The following ASIC2 variants were observed in gnomAD, a reference collection of about 807,000 sequenced individuals.
ASIC2 encodes the protein acid-sensing ion channel 2.
Under a neutral mutation model 57.3 loss-of-function variants are expected in ASIC2, and 25 were observed. That is an observed-to-expected ratio of 0.44 (90% CI 0.32 to 0.61). ASIC2 has a LOEUF of 0.61. ASIC2 is among the 20% of genes least tolerant of loss of function. The probability of loss-of-function intolerance (pLI) is 0.06; values close to 1 mark genes in which losing one functional copy is unlikely to be tolerated. For missense variants in ASIC2, 641 were observed against 738.1 expected (o/e 0.87, Z 1.52); for synonymous variants, 319 against 307.5 (o/e 1.04, Z -0.39).
intron 1 of ASIC2, among the ~76,000 whole-genome samples, chr17:33,919,148 A>G (rs1362069571): frequency 6.6e-6 from 1 of 152,016 alleles, no homozygotes; most frequent in Non-Finnish European, 1.5e-5. Context: ...GCCATTTCAG[A>G]CCTTCTGCCA....
At chr17:34,099,354 A>AGAAG (rs997195432) in intron 1 of ASIC2, among the ~76,000 whole-genome samples, 1 of 147,570 alleles carries the variant, frequency 6.8e-6, no homozygotes, top group Admixed American at 6.7e-5. Context: ...GAGGGAGGAA[A>AGAAG]GAAGGAAGGA....
chr17:33,557,485 G>C (rs1915942361), intron 1 of ASIC2, among the ~76,000 whole-genome samples: 1 of 152,292 alleles, frequency 6.6e-6, no homozygotes, highest in African/African-American at 2.4e-5. Flanking sequence ...GTAAGTAGAT[G>C]TTATAAAAGA....
At chr17:33,550,423 C>T (rs901281451) in intron 1 of ASIC2, among the ~76,000 whole-genome samples, 17 of 152,240 alleles carry the variant, frequency 1.1e-4, no homozygotes, top group South Asian at 6.2e-4. Context: ...GTTAACAGGG[C>T]GGGACAAATC....
chr17:33,324,299 T>G (rs746350238), intron 1 of ASIC2, among the ~76,000 whole-genome samples: 14 of 152,204 alleles, frequency 9.2e-5, no homozygotes, highest in Non-Finnish European at 1.6e-4. Flanking sequence ...GCAAGGGTTT[T>G]TTTTTCACAT....
intron 2 of ASIC2, among the ~76,000 whole-genome samples, chr17:33,094,946 G>A (rs912121290): frequency 2.0e-5 from 3 of 152,232 alleles, no homozygotes; most frequent in African/African-American, 7.2e-5. Context: ...GATCAGGCAA[G>A]TTGAAGTCTA....
chr17:33,529,663 G>A (rs1278375937), intron 1 of ASIC2: 5 of 152,214 alleles, frequency 3.3e-5, no homozygotes, highest in Non-Finnish European at 7.3e-5. Context: ...ATATGTATAT[G>A]CCACAGTTAT....
chr17:33,601,560 G>A (rs1377211233), intron 1 of ASIC2, among the ~76,000 whole-genome samples: 2 of 152,198 alleles, frequency 1.3e-5, no homozygotes, highest in South Asian at 2.1e-4. Context: ...AGGTATCGTG[G>A]CCTCTACTTA....
chr17:33,579,737 C>CAAACACT (rs1489768040), intron 1 of ASIC2, among the ~76,000 whole-genome samples: 1 of 152,154 alleles, frequency 6.6e-6, no homozygotes, highest in Non-Finnish European at 1.5e-5. Context: ...AGTGCGGACC[C>CAAACACT]AAACACTAAA....
intron 1 of ASIC2, among the ~76,000 whole-genome samples, chr17:34,018,939 G>C (rs184546966): frequency 6.6e-6 from 1 of 151,438 alleles, no homozygotes; most frequent in Admixed American, 6.6e-5. Flanking sequence ...ACGGAGTCTC[G>C]CTCTGTCACC....
intron 1 of ASIC2, among the ~76,000 whole-genome samples, chr17:33,243,098 T>G (rs540818827): frequency 6.6e-6 from 1 of 152,218 alleles, no homozygotes; most frequent in Non-Finnish European, 1.5e-5. Context: ...AGAGATACCA[T>G]GCAGGGCTCT....
At chr17:33,450,179 C>T (rs574749363) in intron 1 of ASIC2, among the ~76,000 whole-genome samples, 1 of 152,266 alleles carries the variant, frequency 6.6e-6, no homozygotes, top group South Asian at 2.1e-4. Flanking sequence ...TAACTATGTA[C>T]CTGTTTTGAA....
chr17:33,746,564 C>T (rs1910276333), intron 1 of ASIC2, among the ~76,000 whole-genome samples: 1 of 151,082 alleles, frequency 6.6e-6, no homozygotes, highest in African/African-American at 2.4e-5. Context: ...ATGACAGAGA[C>T]CTACAATTTA....
intron 1 of ASIC2, among the ~76,000 whole-genome samples, chr17:33,879,731 A>C (rs569960500): frequency 1.3e-5 from 2 of 152,320 alleles, no homozygotes; most frequent in South Asian, 4.1e-4. Context: ...CCAGGAATTG[A>C]ATTCAGCTCC....
intron 1 of ASIC2, among the ~76,000 whole-genome samples, chr17:33,392,415 C>T (rs1032077511): frequency 2.0e-5 from 3 of 151,964 alleles, no homozygotes; most frequent in African/African-American, 7.3e-5. Flanking sequence ...AGGTGCCCAC[C>T]ACCACACCCA....
intron 1 of ASIC2, among the ~76,000 whole-genome samples, chr17:33,362,715 C>T (rs150102178): frequency 1.4e-4 from 22 of 152,200 alleles, no homozygotes; most frequent in Non-Finnish European, 2.4e-4. Flanking sequence ...AGGGCAGGGA[C>T]CTTGTGTTTT....
intron 3 of ASIC2, among the ~76,000 whole-genome samples, chr17:33,070,415 G>C (rs982982434): frequency 6.7e-6 from 1 of 148,826 alleles, no homozygotes; most frequent in Non-Finnish European, 1.5e-5. Flanking sequence ...TCAGCTCACT[G>C]CAACTTCTGC....
At chr17:33,720,157 G>T (rs1220518381) in intron 1 of ASIC2, among the ~76,000 whole-genome samples, 2 of 152,184 alleles carry the variant, frequency 1.3e-5, no homozygotes, top group Non-Finnish European at 2.9e-5. Context: ...TAGAATTATA[G>T]GTGTGAGCCA....
chr17:33,110,575 G>T (rs1247982829), intron 2 of ASIC2, among the ~76,000 whole-genome samples: 2 of 152,158 alleles, frequency 1.3e-5, no homozygotes, highest in African/African-American at 2.4e-5. Context: ...GAGGAGCAGA[G>T]GACTGGCTGT....
chr17:33,362,115 C>G (rs1311308757), intron 1 of ASIC2, among the ~76,000 whole-genome samples: 1 of 152,154 alleles, frequency 6.6e-6, no homozygotes, highest in Non-Finnish European at 1.5e-5. Flanking sequence ...CATAGATTGG[C>G]TGGGTGCCAT....
Sources: gnomAD v4.1 joint callset for allele counts (sites outside exome capture counted in the v4.1 genomes callset) on GRCh38, gnomAD v4.1.1 for gene constraint, MANE v1.5 for transcripts, NCBI Gene and HGNC (gene_info 2026-07-23, HGNC 2026-07-21) for gene names.